The following GTF2B variants were observed in gnomAD, a reference collection of about 807,000 sequenced individuals.
The protein encoded by GTF2B is transcription initiation factor IIB.
Under a neutral mutation model 34.6 loss-of-function variants are expected in GTF2B, and 20 were observed. The ratio of observed to expected loss-of-function variants is 0.58; its 90% CI spans 0.41 to 0.84. GTF2B has a LOEUF of 0.84. GTF2B is among the 40% of genes least tolerant of loss of function. GTF2B has a pLI of 0.00. For missense variants in GTF2B, 237 were observed against 393.3 expected (o/e 0.60, Z 3.36); for synonymous variants, 142 against 132.4 (o/e 1.07, Z -0.50).
At chr1:88,880,604 G>A (rs1319095615) in intron 2 of GTF2B, among the ~76,000 whole-genome samples, 1 of 152,122 alleles carries the variant, frequency 6.6e-6, no homozygotes, top group Non-Finnish European at 1.5e-5. Flanking sequence ...ATATATGGCA[G>A]GGTCTGTATG....
intron 2 of GTF2B, among the ~76,000 whole-genome samples, chr1:88,886,974 A>C (rs1380248954): frequency 6.6e-6 from 1 of 151,868 alleles, no homozygotes; most frequent in Non-Finnish European, 1.5e-5. Context: ...GCTAGAGTGC[A>C]GTGGCACGAT....
At chr1:88,874,647 A>C (rs1191319696) in intron 2 of GTF2B, among the ~76,000 whole-genome samples, 6 of 151,714 alleles carry the variant, frequency 4.0e-5, no homozygotes, top group African/African-American at 1.5e-4. Flanking sequence ...CTCAGAAAGG[A>C]ATTTTTAAAA....
At chr1:88,880,814 G>C (rs886362085) in intron 2 of GTF2B, among the ~76,000 whole-genome samples, 2 of 152,008 alleles carry the variant, frequency 1.3e-5, no homozygotes, top group African/African-American at 4.8e-5. Context: ...TTTGAGACCA[G>C]CCCGGCCAAC....
intron 2 of GTF2B, among the ~76,000 whole-genome samples, chr1:88,873,992 T>C (rs1673757516): frequency 6.6e-6 from 1 of 151,996 alleles, no homozygotes; most frequent in African/African-American, 2.4e-5. Flanking sequence ...TAAGAAATAA[T>C]AGGATGGGGG....
intron 2 of GTF2B, among the ~76,000 whole-genome samples, chr1:88,869,470 G>T (rs1397682299): frequency 6.6e-6 from 1 of 152,010 alleles, no homozygotes; most frequent in Non-Finnish European, 1.5e-5. Flanking sequence ...GAAATTTTTT[G>T]AAATTATTTC....
intron 3 of GTF2B, 43 bp downstream of exon 3, chr1:88,863,938 G>T (rs201966096): frequency 9.2e-5 from 146 of 1,592,194 alleles, no homozygotes; most frequent in Non-Finnish European, 1.2e-4. Context: ...TCAGGTCTAT[G>T]GTCACTCTGC....
chr1:88,888,724 AC>A (rs1674129376), intron 1 of GTF2B, among the ~76,000 whole-genome samples: 1 of 152,252 alleles, frequency 6.6e-6, no homozygotes, highest in African/African-American at 2.4e-5. Context: ...GAAAACCTAT[AC>A]AAAGCTGAAA....
intron 5 of GTF2B, among the ~76,000 whole-genome samples, chr1:88,858,111 T>C (rs1222081165): frequency 1.3e-5 from 2 of 151,960 alleles, no homozygotes; most frequent in Admixed American, 1.3e-4. Flanking sequence ...GTTCAAGCGA[T>C]TCTCCTGCCA....
At chr1:88,873,914 A>T (rs1673756304) in intron 2 of GTF2B, among the ~76,000 whole-genome samples, 1 of 152,176 alleles carries the variant, frequency 6.6e-6, no homozygotes, top group Non-Finnish European at 1.5e-5. Context: ...CCCATGTAAA[A>T]CTCAGGGACT....
At chr1:88,878,558 G>C (rs1673864071) in intron 2 of GTF2B, among the ~76,000 whole-genome samples, 2 of 152,196 alleles carry the variant, frequency 1.3e-5, no homozygotes. Flanking sequence ...GTGACAATTT[G>C]TATTTTCCAA....
At chr1:88,861,116 C>A (rs913486652) in intron 3 of GTF2B, among the ~76,000 whole-genome samples, 1 of 152,130 alleles carries the variant, frequency 6.6e-6, no homozygotes, top group East Asian at 1.9e-4. Flanking sequence ...TTCATAAGTA[C>A]AATCAACCAA....
intron 2 of GTF2B, among the ~76,000 whole-genome samples, chr1:88,872,862 T>C (rs1476835434): frequency 6.6e-6 from 1 of 152,198 alleles, no homozygotes; most frequent in Non-Finnish European, 1.5e-5. Context: ...AAATCTTCCA[T>C]AATATTTCAA....
chr1:88,889,362 C>G (rs1276968037), intron 1 of GTF2B, among the ~76,000 whole-genome samples: 3 of 152,114 alleles, frequency 2.0e-5, no homozygotes, highest in Non-Finnish European at 4.4e-5. Flanking sequence ...AAGGTGGTAA[C>G]AGAGAGAAAC....
intron 2 of GTF2B, among the ~76,000 whole-genome samples, chr1:88,881,436 T>C (rs1045335463): frequency 2.0e-5 from 3 of 152,220 alleles, no homozygotes; most frequent in Non-Finnish European, 2.9e-5. Flanking sequence ...ACTATTGATA[T>C]ATGACATTAA....
At chr1:88,873,681 T>G (rs1673750481) in intron 2 of GTF2B, among the ~76,000 whole-genome samples, 1 of 152,234 alleles carries the variant, frequency 6.6e-6, no homozygotes, top group South Asian at 2.1e-4. Context: ...ATGGCTTGCA[T>G]TTTGTAGCAC....
chr1:88,861,823 C>A (rs576174854), intron 3 of GTF2B, among the ~76,000 whole-genome samples: 1 of 152,204 alleles, frequency 6.6e-6, no homozygotes, highest in African/African-American at 2.4e-5. Flanking sequence ...CAGAAAGAGA[C>A]CCTGTCTCAA....
rs749117858 is a variant in GTF2B, at chr1:88,853,260, T to C, written c.904A>G (p.Thr302Ala). Residue 302 changes from threonine to alanine, a missense_variant, in exon 7 of 7, where the codon ACA (threonine) becomes GCA (alanine). By Grantham distance (58) the Thr-to-Ala change is moderately conservative. Coordinates refer to ENST00000370500, the MANE Select transcript of GTF2B (RefSeq NM_001514.6). ...ACTGGGGTGTCAAATTTGAAGTCTG[T>C]AGGAAACAGATCTGGGGCTCGAGGA... ...IYPRAPDLFP[T>A]DFKFDTPVDK... The C allele has an allele frequency of 2.5e-6, 4 of 1,613,022 alleles. No individual in the cohort carries two copies. The African/African-American group carries it at 4.0e-5, about 16-fold the overall frequency.
intron 2 of GTF2B, among the ~76,000 whole-genome samples, chr1:88,879,199 AT>A (rs1194652317): frequency 2.0e-5 from 3 of 152,158 alleles, no homozygotes; most frequent in African/African-American, 7.2e-5. Context: ...GATAAATGTT[AT>A]TAGAGGCAGG....
At chr1:88,855,420 T>A (rs1020631973) in intron 6 of GTF2B, among the ~76,000 whole-genome samples, 24 of 149,714 alleles carry the variant, frequency 1.6e-4, no homozygotes, top group Non-Finnish European at 7.4e-5. Context: ...TGGTGCAATC[T>A]AGGCTCACCG....
Sources: allele counts gnomAD v4.1 joint callset (sites outside exome capture counted in the v4.1 genomes callset), GRCh38; gene constraint gnomAD v4.1.1; transcripts MANE v1.5; gene names NCBI Gene and HGNC (gene_info 2026-07-23, HGNC 2026-07-21).